The following TMEM132B variants were observed in gnomAD, a reference collection of about 807,000 sequenced individuals.
TMEM132B encodes the protein transmembrane protein 132B.
A neutral mutation model predicts 90.8 loss-of-function variants in TMEM132B; 18 were observed. The observed-to-expected ratio is 0.20, with a 90% CI of 0.14 to 0.29. The LOEUF is 0.29. Ranked by LOEUF, TMEM132B falls within the 10% of genes least tolerant of loss-of-function variation. TMEM132B has a pLI of 1.00. For synonymous variants in TMEM132B, 504 were observed against 523.3 expected, an observed-to-expected ratio of 0.96 and a Z score of 0.50; for missense variants, 1,096 against 1,326.8, an observed-to-expected ratio of 0.83 and a Z score of 2.70.
intron 1 of TMEM132B, among the ~76,000 whole-genome samples, chr12:125,230,602 T>C (rs1474977250): frequency 4.0e-5 from 6 of 151,776 alleles, no homozygotes; most frequent in Non-Finnish European, 7.4e-5. Flanking sequence ...TGCCTCAGCC[T>C]CCTGAGTAGC....
At chr12:125,188,330 G>A (rs1957771790) in intron 1 of TMEM132B, among the ~76,000 whole-genome samples, 1 of 152,158 alleles carries the variant, frequency 6.6e-6, no homozygotes, top group African/African-American at 2.4e-5. Context: ...TGCTGCTGGG[G>A]CCGAGGCTGT....
intron 3 of TMEM132B, among the ~76,000 whole-genome samples, chr12:125,471,959 G>A (rs113379030): frequency 2.3e-3 from 344 of 152,278 alleles, no homozygotes; most frequent in Non-Finnish European, 4.1e-3. Flanking sequence ...TGAGAGGGAG[G>A]TTCCCTGGGA....
chr12:125,607,823 T>G (rs1031004182), intron 5 of TMEM132B, among the ~76,000 whole-genome samples: 13 of 152,244 alleles, frequency 8.5e-5, no homozygotes, highest in Admixed American at 1.3e-4. Context: ...TTTATTTGTC[T>G]ATTCTGGACA....
chr12:125,332,414 T>A (rs1876803981), intron 1 of TMEM132B, among the ~76,000 whole-genome samples: 1 of 152,024 alleles, frequency 6.6e-6, no homozygotes. Flanking sequence ...TACTTTCTTT[T>A]ATTCTTCATC....
rs924294119 is a variant in TMEM132B, at chr12:125,415,380, A to G, written c.960-151A>G. ...GACACTTAGTTTTTAAAGGAAAGCC[A>G]CTTGCCACCACTCTCCCCCACATCT... is the stretch of plus-strand genomic sequence containing the variant. On this transcript the variant is annotated intron_variant, in intron 2 of 8. Coordinates refer to ENST00000682704, the MANE Select transcript of TMEM132B (RefSeq NM_001366854.1). This position sits in a 1 kb window ranked among gnomAD's most constrained non-coding sequence, Gnocchi z 5.3. The G allele has an allele frequency of 3.4e-5, 33 of 984,572 alleles. No individual in the cohort carries two copies. The highest frequency in any genetic ancestry group is 2.2e-4 in the Admixed American group (8 of 36,808). 61.0% of individuals were successfully genotyped at this position (984,572 alleles called of 1,614,324 possible).
chr12:125,260,922 TTGTGTGTGTG>T (rs60739492), intron 1 of TMEM132B, among the ~76,000 whole-genome samples: 3 of 148,152 alleles, frequency 2.0e-5, no homozygotes, highest in Non-Finnish European at 1.5e-5. Flanking sequence ...TCTCTACAGA[TTGTGTGTGTG>T]TGTGTGTGTG....
chr12:125,246,110 G>GC lies in TMEM132B; in HGVS notation c.67+59245dup. ...GATCTGGGCCCTGGCAGTGACTGGC[G>GC]CTGCCTCTCCAGTGATCCAGTGATC... On this transcript the variant is annotated intron_variant, in intron 1 of 8. Transcript: ENST00000682704. The surrounding 1 kb of genome is among the most constrained non-coding windows in gnomAD (Gnocchi z 4.2). 6.6e-6 allele frequency among the ~76,000 whole-genome samples: 1 copy of GC among 152,308 alleles called. No homozygotes were observed. The highest frequency in any genetic ancestry group is 1.5e-5 in the Non-Finnish European group (1 of 68,030).
At position 125,277,911 on chromosome 12, in the gene TMEM132B, C is replaced by T. The variant is rs12372794; in HGVS notation, c.68-71541C>T. Among the ~76,000 whole-genome samples, 21,715 of 152,220 alleles carry T rather than the reference C, an allele frequency of 0.14. 1,841 individuals are homozygous for T. The highest frequency in any genetic ancestry group is 0.23 in the African/African-American group (9,556 of 41,512). On this transcript the variant is annotated intron_variant, in intron 1 of 8. Transcript: ENST00000682704. This position sits in a 1 kb window ranked among gnomAD's most constrained non-coding sequence, Gnocchi z 4.3. Reference sequence around the variant, plus strand: ...GATCTATTCACAGAGGGCCAGCATTCTCCGATGGGAAAAGTCTGGAACTCT... The same window carrying T: ...GATCTATTCACAGAGGGCCAGCATTTTCCGATGGGAAAAGTCTGGAACTCT...
chr12:125,338,520 G>T (rs1877053699), intron 1 of TMEM132B, among the ~76,000 whole-genome samples: 1 of 152,206 alleles, frequency 6.6e-6, no homozygotes, highest in Non-Finnish European at 1.5e-5. Flanking sequence ...CTGGAAGGAG[G>T]TCTGCCTGGA....
intron 1 of TMEM132B, among the ~76,000 whole-genome samples, chr12:125,282,027 C>CAAAAAAAAAAA (rs869083244): frequency 1.5e-3 from 24 of 16,030 alleles, no homozygotes; most frequent in Admixed American, 3.9e-3. Context: ...GACTCCGTCT[C>CAAAAAAAAAAA]AAAAAAAAAA....
chr12:125,324,044 G>A (rs1296187579), intron 1 of TMEM132B, among the ~76,000 whole-genome samples: 3 of 151,956 alleles, frequency 2.0e-5, no homozygotes, highest in Non-Finnish European at 4.4e-5. Flanking sequence ...CACACACAAC[G>A]GGGGCAGGGA....
At position 125,291,908 on chromosome 12, in the gene TMEM132B, CTCTG is replaced by C. The variant is rs1875551621; in HGVS notation, c.68-57538_68-57535del. 5.9e-5 allele frequency among the ~76,000 whole-genome samples: 9 copies of C among 152,332 alleles called. No homozygotes were observed. In the South Asian group the frequency reaches 1.9e-3, roughly 32 times the overall value. On this transcript the variant is annotated intron_variant, in intron 1 of 8. Coordinates refer to ENST00000682704, the MANE Select transcript of TMEM132B (RefSeq NM_001366854.1). ...ACCTTTTCATCTTCCCAAATTGAAA[CTCTG>C]TCTGTATTAAAATTCACATTGTTTT...
At chr12:125,193,341 G>A (rs1872846918) in intron 1 of TMEM132B, among the ~76,000 whole-genome samples, 1 of 152,154 alleles carries the variant, frequency 6.6e-6, no homozygotes, top group Non-Finnish European at 1.5e-5. Context: ...CTTCTGCCCT[G>A]ATGGTGCCTT....
intron 4 of TMEM132B, among the ~76,000 whole-genome samples, chr12:125,543,631 A>G (rs958409633): frequency 6.6e-6 from 1 of 152,196 alleles, no homozygotes; most frequent in Non-Finnish European, 1.5e-5. Context: ...TAAATAGGGA[A>G]TCCTTTTCCG....
In TMEM132B at chr12:125,661,204, A is replaced by C. The variant is rs1268229182; in HGVS notation, c.*6494A>C. 6.6e-6 allele frequency: 1 copy of C among 152,238 alleles called. No homozygotes were observed. Among genetic ancestry groups the C allele is most frequent in the Non-Finnish European group, 1.5e-5 (1 of 68,052 alleles). 9.4% of individuals were successfully genotyped at this position (152,238 alleles called of 1,614,324 possible). ...AGTGTCAACACTGACCATATGATAT[A>C]GTTATTTCACTTAGAGATGCTTCCT... On this transcript the variant is annotated 3_prime_UTR_variant, in exon 9 of 9. Coordinates refer to ENST00000682704, the MANE Select transcript of TMEM132B (RefSeq NM_001366854.1).
intron 2 of TMEM132B, among the ~76,000 whole-genome samples, chr12:125,392,325 T>G (rs1002087794): frequency 6.6e-6 from 1 of 152,138 alleles, no homozygotes; most frequent in Non-Finnish European, 1.5e-5. Context: ...GAATAGGAGA[T>G]ATGTATTTAG....
At chr12:125,594,772 A>G (rs1258019598) in intron 5 of TMEM132B, among the ~76,000 whole-genome samples, 3 of 152,296 alleles carry the variant, frequency 2.0e-5, no homozygotes, top group African/African-American at 7.2e-5. Flanking sequence ...ATACAAGTTC[A>G]TTATCCAATA....
At chr12:125,189,340 G>A (rs1342844391) in intron 1 of TMEM132B, among the ~76,000 whole-genome samples, 3 of 152,154 alleles carry the variant, frequency 2.0e-5, no homozygotes, top group Non-Finnish European at 4.4e-5. Flanking sequence ...ATCTTGCTTC[G>A]TTGACTCATT....
chr12:125,473,905 C>G (rs1457694063), intron 3 of TMEM132B, among the ~76,000 whole-genome samples: 1 of 150,784 alleles, frequency 6.6e-6, no homozygotes, highest in Non-Finnish European at 1.5e-5. Context: ...TTTTTTTCTT[C>G]TTTTTGTTAG....
Sources: allele counts gnomAD v4.1 joint callset (sites outside exome capture counted in the v4.1 genomes callset), GRCh38; gene constraint gnomAD v4.1.1; non-coding constraint Gnocchi (gnomAD v3.1); transcripts MANE v1.5; gene names NCBI Gene and HGNC (gene_info 2026-07-23, HGNC 2026-07-21).